The following ZFYVE28 variants were observed in gnomAD, a reference collection of about 807,000 sequenced individuals.
The protein encoded by ZFYVE28 is lateral signaling target protein 2 homolog.
ZFYVE28 carries 40 observed loss-of-function variants against 82.1 expected under a neutral mutation model. That is an observed-to-expected ratio of 0.49 (90% CI 0.38 to 0.63). ZFYVE28 has a LOEUF of 0.63. ZFYVE28 is among the 30% of genes least tolerant of loss of function. ZFYVE28 has a pLI of 0.00. For synonymous variants in ZFYVE28, 612 were observed against 546.1 expected (o/e 1.12, Z -1.68); for missense variants, 1,321 against 1,242.1 (o/e 1.06, Z -0.96).
chr4:2,352,035 G>A (rs750531332), intron 2 of ZFYVE28, among the ~76,000 whole-genome samples: 62 of 152,060 alleles, frequency 4.1e-4, no homozygotes, highest in African/African-American at 1.3e-3. Context: ...CAAGTCCCAC[G>A]GCTGGACCAG....
chr4:2,395,528 C>T (rs747279534), intron 1 of ZFYVE28, among the ~76,000 whole-genome samples: 5 of 152,146 alleles, frequency 3.3e-5, no homozygotes, highest in Non-Finnish European at 5.9e-5. Context: ...GGCCCCTGCT[C>T]AGCACAGCCT....
chr4:2,326,813 G>A (rs1251979447), intron 6 of ZFYVE28, among the ~76,000 whole-genome samples: 1 of 152,054 alleles, frequency 6.6e-6, no homozygotes, highest in African/African-American at 2.4e-5. Flanking sequence ...TTATTCTCTT[G>A]ATTTCTTTTT....
Position 2,418,181 on chromosome 4 carries a change from C to A in ZFYVE28, c.39+104G>T. ...TGTCGGCGGTGGGGGAAGAGGCCGGCCACGGACAGGGAAAGGGAGTCCGTC... is the reference window on the plus strand; with the variant it reads ...TGTCGGCGGTGGGGGAAGAGGCCGGACACGGACAGGGAAAGGGAGTCCGTC... On this transcript the variant is annotated intron_variant, in intron 1 of 12. Coordinates refer to ENST00000290974, the MANE Select transcript of ZFYVE28 (RefSeq NM_020972.3). This position sits in a 1 kb window ranked among gnomAD's most constrained non-coding sequence, Gnocchi z 4.6. The A allele has an allele frequency of 8.9e-7, 1 of 1,119,854 alleles. No homozygotes were observed. The highest frequency in any genetic ancestry group is 1.6e-5 in the South Asian group (1 of 62,702). 69.4% of individuals were successfully genotyped at this position (1,119,854 alleles called of 1,614,324 possible). A position where few individuals can be genotyped will look rare whatever the true frequency, so the allele number is the denominator to read the frequency against.
intron 8 of ZFYVE28, chr4:2,286,616 T>C (rs1438497716): frequency 6.6e-6 from 1 of 152,232 alleles, no homozygotes; most frequent in Non-Finnish European, 1.5e-5. Context: ...GCATTGCTTA[T>C]ACACAGCCCA....
intron 2 of ZFYVE28, among the ~76,000 whole-genome samples, chr4:2,352,011 T>C (rs894449702): frequency 6.6e-6 from 1 of 152,212 alleles, no homozygotes; most frequent in Admixed American, 6.5e-5. Context: ...GCGTATATCA[T>C]ATCTGCACAT....
intron 8 of ZFYVE28, among the ~76,000 whole-genome samples, chr4:2,283,312 CACCCACCCATCT>C (rs1712210020): frequency 6.6e-6 from 1 of 151,450 alleles, no homozygotes; most frequent in Admixed American, 6.6e-5. Context: ...TCCACTCATC[CACCCACCCATCT>C]ACCCACCCAC....
chr4:2,381,973 A>G (rs1728772404), intron 1 of ZFYVE28, among the ~76,000 whole-genome samples: 1 of 152,348 alleles, frequency 6.6e-6, no homozygotes, highest in Non-Finnish European at 1.5e-5. Context: ...TGCTCCAGCC[A>G]TGGCTGAAAG....
intron 2 of ZFYVE28, among the ~76,000 whole-genome samples, chr4:2,353,685 C>T (rs1724805562): frequency 6.6e-6 from 1 of 152,160 alleles, no homozygotes; most frequent in South Asian, 2.1e-4. Flanking sequence ...CTCCGCACCC[C>T]CTGCCCCCGC....
chr4:2,281,649 C>A (rs1229504925), intron 8 of ZFYVE28, among the ~76,000 whole-genome samples: 2 of 152,238 alleles, frequency 1.3e-5, no homozygotes, highest in Non-Finnish European at 2.9e-5. Context: ...AAGGTCCCCC[C>A]TCTCAACGCT....
At chr4:2,410,685 C>T (rs549957583) in intron 1 of ZFYVE28, among the ~76,000 whole-genome samples, 15 of 152,020 alleles carry the variant, frequency 9.9e-5, no homozygotes, top group African/African-American at 3.4e-4. Flanking sequence ...TTAGTAGAGA[C>T]GGGGTTTCAC....
At chr4:2,336,831 G>A (rs1179384026) in intron 5 of ZFYVE28, among the ~76,000 whole-genome samples, 4 of 147,016 alleles carry the variant, frequency 2.7e-5, no homozygotes, top group Admixed American at 1.3e-4. Flanking sequence ...TTGAGGAGGT[G>A]AGGAGTGAGG....
chr4:2,315,479 G>T (rs1578048833), intron 7 of ZFYVE28, among the ~76,000 whole-genome samples: 1 of 152,014 alleles, frequency 6.6e-6, no homozygotes, highest in Middle Eastern at 3.4e-3. Flanking sequence ...TCACCATGTC[G>T]GCCAGGCTGG....
At chr4:2,375,747 C>A (rs917202839) in intron 1 of ZFYVE28, among the ~76,000 whole-genome samples, 1 of 152,216 alleles carries the variant, frequency 6.6e-6, no homozygotes, top group African/African-American at 2.4e-5. Flanking sequence ...CCACTGACAG[C>A]CTCCACCCCT....
At chr4:2,307,542 G>A (rs1716769467) in intron 7 of ZFYVE28, among the ~76,000 whole-genome samples, 1 of 152,090 alleles carries the variant, frequency 6.6e-6, no homozygotes, top group Non-Finnish European at 1.5e-5. Context: ...CCCAAATCTG[G>A]GATGATCATG....
rs1249659593 is a variant in ZFYVE28, at chr4:2,417,706, T to C, written c.39+579A>G. Among the ~76,000 whole-genome samples the C allele has an allele frequency of 6.6e-6, 1 of 151,744 alleles. No homozygotes were observed. Among genetic ancestry groups the C allele is most frequent in the African/African-American group, 2.4e-5 (1 of 41,240 alleles). On this transcript the variant is annotated intron_variant, in intron 1 of 12. Transcript: ENST00000290974. The surrounding 1 kb of genome is among the most constrained non-coding windows in gnomAD (Gnocchi z 4.8). ...GCCGTTGGCAGGGCCATCAGGATCC[T>C]CTCTGGACATGGAAGGACGGGTCTG...
chr4:2,289,991 A>G (rs1057135526), intron 8 of ZFYVE28, among the ~76,000 whole-genome samples: 2 of 152,114 alleles, frequency 1.3e-5, no homozygotes, highest in Non-Finnish European at 2.9e-5. Flanking sequence ...ACAGACACAG[A>G]CAGACAGTGG....
intron 7 of ZFYVE28, among the ~76,000 whole-genome samples, chr4:2,319,846 G>A (rs1340401639): frequency 3.3e-5 from 5 of 151,216 alleles, no homozygotes; most frequent in Non-Finnish European, 5.9e-5. Flanking sequence ...CGGTGGGGAC[G>A]GTGGGGATGG....
intron 1 of ZFYVE28, among the ~76,000 whole-genome samples, chr4:2,407,861 C>T (rs1031187937): frequency 1.3e-5 from 2 of 152,238 alleles, no homozygotes; most frequent in African/African-American, 4.8e-5. Flanking sequence ...GCTGGGATTA[C>T]AGGCGTGAGC....
chr4:2,403,343 G>C (rs1731403057), intron 1 of ZFYVE28, among the ~76,000 whole-genome samples: 1 of 152,242 alleles, frequency 6.6e-6, no homozygotes, highest in African/African-American at 2.4e-5. Flanking sequence ...AGCAGTGCGT[G>C]GAACCTTCCA....
Sources: allele counts gnomAD v4.1 joint callset (sites outside exome capture counted in the v4.1 genomes callset), GRCh38; gene constraint gnomAD v4.1.1; non-coding constraint Gnocchi (gnomAD v3.1); transcripts MANE v1.5; gene names NCBI Gene and HGNC (gene_info 2026-07-23, HGNC 2026-07-21).